The following TPCN1 variants were observed in gnomAD, a reference collection of about 807,000 sequenced individuals.
The protein encoded by TPCN1 is two pore channel protein 1.
Under a neutral mutation model 108.8 loss-of-function variants are expected in TPCN1, and 52 were observed. That is an observed-to-expected ratio of 0.48 (90% CI 0.38 to 0.60). The LOEUF is 0.60. TPCN1 is among the 20% of genes least tolerant of loss of function. The pLI is 0.00. For synonymous variants in TPCN1, 446 were observed against 433.7 expected, an observed-to-expected ratio of 1.03 and a Z score of -0.35; for missense variants, 806 against 1,072.8, an observed-to-expected ratio of 0.75 and a Z score of 3.47.
At chr12:113,280,268 A>G (rs1213804856) in intron 15 of TPCN1, 73 bp downstream of exon 15, 20 of 1,290,824 alleles carry the variant, frequency 1.5e-5, no homozygotes, top group Middle Eastern at 1.9e-4. Flanking sequence ...CGGGAGAGGC[A>G]AGAGATTGGT....
Position 113,254,052 on chromosome 12 carries a change from ATAGC to A in TPCN1, c.113-6314_113-6311del, listed in dbSNP as rs1242623042. 4.9e-4 allele frequency among the ~76,000 whole-genome samples: 74 copies of A among 152,230 alleles called. 1 individual carries two copies. The highest frequency in any genetic ancestry group is 1.8e-4 in the Non-Finnish European group (12 of 68,042). ...GGGGCCAAAGCCTGGCTCAGCCCTT[ATAGC>A]TGTGTGATCTTGGACAGATTGTTTA... On this transcript the variant is annotated intron_variant, in intron 2 of 27. Transcript: ENST00000335509.
chr12:113,292,227 A>G (rs1360778121), intron 25 of TPCN1: 16 of 446,886 alleles, frequency 3.6e-5, no homozygotes, highest in South Asian at 5.4e-5. Context: ...CTTATGTGGC[A>G]GCAGCAGCCC....
intron 2 of TPCN1, chr12:113,249,969 C>G (rs1016478392): frequency 3.9e-5 from 6 of 152,226 alleles, no homozygotes; most frequent in African/African-American, 1.4e-4. Flanking sequence ...TGATGGTATC[C>G]ACCTCCTAAG....
At position 113,284,540 on chromosome 12, in the gene TPCN1, C is replaced by G. The variant is rs1955999539; in HGVS notation, c.1343-41C>G. On this transcript the variant is annotated intron_variant, in intron 15 of 27. Transcript: ENST00000335509. The surrounding 1 kb of genome is among the most constrained non-coding windows in gnomAD (Gnocchi z 4.1). ...CTGCGACCTGCAGATTTCTAAGCCC[C>G]CCTGTTATTTCTCTGTCTTTTACGG... is the stretch of plus-strand genomic sequence containing the variant. The G allele has an allele frequency of 3.1e-6, 5 of 1,611,730 alleles. No individual in the cohort carries two copies. The highest frequency in any genetic ancestry group is 4.2e-6 in the Non-Finnish European group (5 of 1,178,648).
At chr12:113,225,465 C>T in intron 1 of TPCN1, 1 of 263,890 alleles carries the variant, frequency 3.8e-6, no homozygotes, top group South Asian at 3.4e-5. Context: ...TTACCCTTAA[C>T]TTTTCAGTAT....
rs1190954865 is a variant in TPCN1 at position 113,292,978 on chromosome 12, C to T, written c.2158C>T (p.Leu720=). 1 of 1,613,330 alleles carries T rather than the reference C, an allele frequency of 6.2e-7. No homozygotes were observed. Among genetic ancestry groups the T allele is most frequent in the African/African-American group, 1.3e-5 (1 of 75,044 alleles). The change falls in exon 26 of 28, where the codon CTG becomes TTG. Residue 720 remains leucine (L), a synonymous_variant. Transcript: ENST00000335509. ...TLEKEISKEE[L]VAVLELYREA... is the part of the protein sequence containing the mutation. Reference sequence around the variant, plus strand: ...TGAGAAGGAAATCTCCAAAGAAGAGCTGGTTGCCGTCCTGGAGCTCTACCG... The same window carrying T: ...TGAGAAGGAAATCTCCAAAGAAGAGTTGGTTGCCGTCCTGGAGCTCTACCG...
At chr12:113,279,359 G>GTGTGTATATATA (rs1555268764) in intron 14 of TPCN1, among the ~76,000 whole-genome samples, 1 of 41,006 alleles carries the variant, frequency 2.4e-5, no homozygotes, top group African/African-American at 1.2e-4. Context: ...GTGTGTGTGT[G>GTGTGTATATATA]TATATATATA....
In TPCN1 at chr12:113,298,581, G is replaced by A. The variant is rs975663908; in HGVS notation, c.*2505G>A. 1 of 152,284 alleles carries A rather than the reference G, an allele frequency of 6.6e-6. No individual in the cohort carries two copies. The highest frequency in any genetic ancestry group is 2.4e-5 in the African/African-American group (1 of 41,456). The allele number at this position is 152,284 out of a possible 1,614,324, so 9.4% of individuals were successfully genotyped here. On this transcript the variant is annotated 3_prime_UTR_variant, in exon 28 of 28. Coordinates refer to ENST00000335509, the MANE Select transcript of TPCN1 (RefSeq NM_017901.6). Reference sequence around the variant, plus strand: ...ACATTACTAAAAGAGCCTCTGCTTTGTAAACATGGCTGCTGCCTCTTGACT... The same window carrying A: ...ACATTACTAAAAGAGCCTCTGCTTTATAAACATGGCTGCTGCCTCTTGACT...
intron 2 of TPCN1, among the ~76,000 whole-genome samples, chr12:113,234,029 C>T (rs891380293): frequency 6.6e-6 from 1 of 152,048 alleles, no homozygotes; most frequent in African/African-American, 2.4e-5. Flanking sequence ...TTAAATTAAA[C>T]TTTTATTTCC....
At chr12:113,222,682 TATC>T (rs1189861778) in intron 1 of TPCN1, among the ~76,000 whole-genome samples, 3 of 152,226 alleles carry the variant, frequency 2.0e-5, no homozygotes, top group African/African-American at 4.8e-5. Context: ...TGGTGGCAGA[TATC>T]ATGAAAATTA....
chr12:113,235,650 G>C (rs1315674948), intron 2 of TPCN1, among the ~76,000 whole-genome samples: 3 of 152,196 alleles, frequency 2.0e-5, no homozygotes, highest in African/African-American at 7.2e-5. Flanking sequence ...CTGGAAGTTA[G>C]AAGAAGTGCG....
chr12:113,246,446 A>G (rs2136503823), intron 2 of TPCN1, among the ~76,000 whole-genome samples: 1 of 152,346 alleles, frequency 6.6e-6, no homozygotes, highest in Admixed American at 6.5e-5. Flanking sequence ...CTGGTTGCCA[A>G]GAGTGTTCCT....
chr12:113,285,605 G>A (rs925821890), intron 17 of TPCN1, among the ~76,000 whole-genome samples: 1 of 152,162 alleles, frequency 6.6e-6, no homozygotes, highest in African/African-American at 2.4e-5. Flanking sequence ...CCAACTCCTG[G>A]GCTCAAGTGG....
intron 2 of TPCN1, among the ~76,000 whole-genome samples, chr12:113,259,642 C>T (rs896765843): frequency 6.6e-6 from 1 of 152,220 alleles, no homozygotes; most frequent in African/African-American, 2.4e-5. Flanking sequence ...AGAGCCCCTC[C>T]TTCCTAATTG....
chr12:113,258,979 ATT>A (rs111501174), intron 2 of TPCN1, among the ~76,000 whole-genome samples: 13,169 of 140,992 alleles, frequency 0.093, 619 homozygotes, highest in East Asian at 0.21. Flanking sequence ...AAAACATTAG[ATT>A]TTTTTTTTTT....
intron 15 of TPCN1, among the ~76,000 whole-genome samples, chr12:113,281,754 G>C (rs1052348054): frequency 1.3e-5 from 2 of 151,950 alleles, no homozygotes; most frequent in African/African-American, 4.8e-5. Context: ...GCCCAGGCTG[G>C]TCTCAAGCTC....
chr12:113,267,972 A>G lies in TPCN1; in HGVS notation c.528+16A>G, dbSNP rs370666497. 1.2e-5 allele frequency: 19 copies of G among 1,557,158 alleles called. No homozygotes were observed. In the African/African-American group the frequency reaches 2.4e-4, roughly 20 times the overall value. On this transcript the variant is annotated intron_variant, in intron 5 of 27. Transcript: ENST00000335509. ...CATGGTCAAGGTGATGTGTCCGCCC[A>G]TCTGTCCCTCCCCTCACAGCCTTTT... is the stretch of plus-strand genomic sequence containing the variant.
intron 27 of TPCN1, among the ~76,000 whole-genome samples, chr12:113,294,762 C>T (rs2136786269): frequency 6.6e-6 from 1 of 152,292 alleles, no homozygotes; most frequent in African/African-American, 2.4e-5. Context: ...CCTTCCAGAC[C>T]ATGGGCCACC....
intron 2 of TPCN1, among the ~76,000 whole-genome samples, chr12:113,253,348 TA>T (rs751409886): frequency 1.3e-5 from 2 of 152,262 alleles, no homozygotes; most frequent in Non-Finnish European, 2.9e-5. Context: ...AGGTGTCAGT[TA>T]TCTGTTGCCC....
Sources: allele counts gnomAD v4.1 joint callset (sites outside exome capture counted in the v4.1 genomes callset), GRCh38; gene constraint gnomAD v4.1.1; non-coding constraint Gnocchi (gnomAD v3.1); transcripts MANE v1.5; gene names NCBI Gene and HGNC (gene_info 2026-07-23, HGNC 2026-07-21).